Variants in SYNCRIP observed in about 807,000 individuals in gnomAD.
The protein encoded by SYNCRIP is heterogeneous nuclear ribonucleoprotein Q.
SYNCRIP carries 9 observed loss-of-function variants against 68.9 expected under a neutral mutation model. That is an observed-to-expected ratio of 0.13 (90% CI 0.08 to 0.23). The LOEUF (loss-of-function observed/expected upper bound fraction) is 0.23. SYNCRIP is among the 10% of genes least tolerant of loss of function. The pLI, the probability that SYNCRIP is intolerant of heterozygous loss-of-function variation, is 1.00. For missense variants in SYNCRIP, 414 were observed against 770.6 expected (o/e 0.54, Z 5.48); for synonymous variants, 258 against 254.0 (o/e 1.02, Z -0.15).
chr6:85,622,508 C>T lies in SYNCRIP; in HGVS notation c.982G>A (p.Asp328Asn). The change falls in exon 8 of 11, where the codon GAT becomes AAT. Residue 328 changes from aspartate to asparagine, a missense_variant. Physicochemically the swap from Asp to Asn is conservative, Grantham distance 23. Transcript: ENST00000369622. Reference sequence around the variant, plus strand: ...TTTGCCATAACCTCAGGATCAGGATCTTCTATAGGATCAGCCCATTCAACA... The same window carrying T: ...TTTGCCATAACCTCAGGATCAGGATTTTCTATAGGATCAGCCCATTCAACA... ...GTVEWADPIE[D>N]PDPEVMAKVK... 6.2e-7 allele frequency: 1 copy of T among 1,613,806 alleles called. No homozygotes were observed. The highest frequency in any genetic ancestry group is 8.5e-7 in the Non-Finnish European group (1 of 1,179,828).
chr6:85,618,725 G>T (rs1383942618), intron 10 of SYNCRIP, 93 bp downstream of exon 10: 9 of 1,043,880 alleles, frequency 8.6e-6, no homozygotes, highest in East Asian at 7.9e-5. Flanking sequence ...GAGATGTTAT[G>T]CATTTAACAA....
intron 6 of SYNCRIP, among the ~76,000 whole-genome samples, chr6:85,629,696 C>A (rs1401129993): frequency 6.6e-6 from 1 of 152,058 alleles, no homozygotes; most frequent in Non-Finnish European, 1.5e-5. Flanking sequence ...GTGGTGCTCA[C>A]CTGTAGTCCC....
In SYNCRIP at chr6:85,614,285, A is replaced by G. The variant is rs1385815037; in HGVS notation, c.*471T>C. 1.4e-5 allele frequency: 14 copies of G among 986,048 alleles called. No individual in the cohort carries two copies. The highest frequency in any genetic ancestry group is 1.7e-5 in the Non-Finnish European group (14 of 830,112). The allele number at this position is 986,048 out of a possible 1,614,324, so 61.1% of individuals were successfully genotyped here. A position where few individuals can be genotyped will look rare whatever the true frequency, so the allele number is the denominator to read the frequency against. ...AATACAAGTAGCCAAAATGGTTTTG[A>G]AAACCCAAATTAGGTCAAAGTTCTA... On this transcript the variant is annotated 3_prime_UTR_variant, in exon 11 of 11. Coordinates refer to ENST00000369622, the MANE Select transcript of SYNCRIP (RefSeq NM_006372.5).
Position 85,615,272 on chromosome 6 carries a change from A to T in SYNCRIP, c.1356T>A (p.Gly452=), listed in dbSNP as rs370297119. The T allele has an allele frequency of 5.0e-6, 8 of 1,596,402 alleles. No individual in the cohort carries two copies. The African/African-American group carries it at 8.0e-5, about 16-fold the overall frequency. ...PTRGRGRGGR[G]GYGYPPDYYG... ...AATAATCTGGAGGATATCCATAACC[A>T]CCTCTACCTCCACGCCCTCGACCTC... Residue 452 remains glycine (G), a synonymous_variant, in exon 11 of 11, where the codon GGT becomes GGA. Coordinates refer to ENST00000369622, the MANE Select transcript of SYNCRIP (RefSeq NM_006372.5).
At chr6:85,613,019 TG>T (rs1805365160), downstream of SYNCRIP, 4 of 1,420,428 alleles carry the variant, frequency 2.8e-6, no homozygotes, top group Non-Finnish European at 3.8e-6. Flanking sequence ...AGCCTTAACA[TG>T]GTAATTCTAA....
intron 6 of SYNCRIP, among the ~76,000 whole-genome samples, chr6:85,628,998 C>A (rs569345272): frequency 1.3e-5 from 2 of 148,498 alleles, no homozygotes; most frequent in African/African-American, 5.2e-5. Flanking sequence ...TGCTGCCACC[C>A]TCCTCCTGGC....
At chr6:85,640,126 C>G (rs570153595) in intron 4 of SYNCRIP, 95 bp downstream of exon 4, 100 of 810,766 alleles carry the variant, frequency 1.2e-4, no homozygotes, top group Non-Finnish European at 1.8e-4. Flanking sequence ...ATCTCAACAT[C>G]TAACATACAT....
chr6:85,612,919 C>G (rs1311804391), downstream of SYNCRIP: 10 of 1,550,734 alleles, frequency 6.4e-6, no homozygotes, highest in African/African-American at 1.4e-5. Flanking sequence ...GACCCCTTTT[C>G]CCTGCTAGCC....
At chr6:85,643,763 C>G (rs1217737522), upstream of SYNCRIP, 1 of 152,190 alleles carries the variant, frequency 6.6e-6, no homozygotes, top group African/African-American at 2.4e-5. Flanking sequence ...TCTGTGCGCG[C>G]CCGGCCCCCG....
chr6:85,629,475 G>C (rs1433422046), intron 6 of SYNCRIP, among the ~76,000 whole-genome samples: 3 of 130,776 alleles, frequency 2.3e-5, no homozygotes, highest in African/African-American at 8.2e-5. Flanking sequence ...ATCACTGAAG[G>C]TTTGGAGTTT....
rs188796606 is a variant in SYNCRIP at position 85,616,782 on chromosome 6, C to A, written c.1281-1435G>T. ...TTTGAGGAAATGATGGAAAGATCAT[C>A]CTTTTCTATTTCTAAATAGTTCTCA... is the stretch of plus-strand genomic sequence containing the variant. On this transcript the variant is annotated intron_variant, in intron 10 of 10. Transcript: ENST00000369622. Among the ~76,000 whole-genome samples the A allele has an allele frequency of 1.2e-3, 176 of 152,260 alleles. 1 individual carries two copies. Among genetic ancestry groups the A allele is most frequent in the African/African-American group, 3.9e-3 (162 of 41,536 alleles).
chr6:85,631,604 G>C (rs1156717916), intron 6 of SYNCRIP, among the ~76,000 whole-genome samples: 1 of 152,198 alleles, frequency 6.6e-6, no homozygotes, highest in Non-Finnish European at 1.5e-5. Context: ...TAGCAGCGAA[G>C]AAGATAAAAA....
chr6:85,640,418 T>C, intron 3 of SYNCRIP, 28 bp downstream of exon 3: 1 of 1,586,572 alleles, frequency 6.3e-7, no homozygotes, highest in South Asian at 1.1e-5. Flanking sequence ...CTCAAATTTT[T>C]TAATTTTCAC....
chr6:85,636,890 CTT>C, intron 6 of SYNCRIP, 75 bp downstream of exon 6: 1 of 1,422,204 alleles, frequency 7.0e-7, no homozygotes, highest in Non-Finnish European at 9.5e-7. Context: ...TTGGTAAACT[CTT>C]AGGCACACTA....
At chr6:85,622,104 G>A (rs914833979) in intron 8 of SYNCRIP, among the ~76,000 whole-genome samples, 2 of 152,148 alleles carry the variant, frequency 1.3e-5, no homozygotes, top group African/African-American at 2.4e-5. Flanking sequence ...AGGTGCAATA[G>A]CCTCACGCCT....
At chr6:85,641,532 C>A in intron 1 of SYNCRIP, 81 bp from the exon 2 acceptor site, 2 of 1,409,438 alleles carry the variant, frequency 1.4e-6, no homozygotes, top group East Asian at 2.3e-5. Flanking sequence ...TCTTTACTTT[C>A]TCTACCATTT....
intron 7 of SYNCRIP, among the ~76,000 whole-genome samples, chr6:85,622,899 A>G (rs541873888): frequency 6.6e-6 from 1 of 152,336 alleles, no homozygotes; most frequent in Non-Finnish European, 1.5e-5. Context: ...TCTCCAGAAA[A>G]GAACATGTGC....
rs759101984 is a variant in SYNCRIP, at chr6:85,641,462, G to T, written c.-12-11C>A. ...CATGTTTCCAGAGATCTGTTCAAAC[G>T]CAATAAGCAAAATTAAACTAGGATC... On this transcript the variant is annotated splice_polypyrimidine_tract_variant and intron_variant, in intron 1 of 10. Coordinates refer to ENST00000369622, the MANE Select transcript of SYNCRIP (RefSeq NM_006372.5). 1.3e-6 allele frequency: 2 copies of T among 1,596,236 alleles called. No homozygotes were observed. Among genetic ancestry groups the T allele is most frequent in the South Asian group, 1.1e-5 (1 of 88,772 alleles).
At chr6:85,624,980 C>T (rs918062036) in intron 6 of SYNCRIP, among the ~76,000 whole-genome samples, 1 of 152,184 alleles carries the variant, frequency 6.6e-6, no homozygotes, top group African/African-American at 2.4e-5. Flanking sequence ...GCTACACAAA[C>T]TAAAGAACCA....
Sources: gnomAD v4.1 joint callset for allele counts (sites outside exome capture counted in the v4.1 genomes callset) on GRCh38, gnomAD v4.1.1 for gene constraint, MANE v1.5 for transcripts, NCBI Gene and HGNC (gene_info 2026-07-23, HGNC 2026-07-21) for gene names.